CSMD3: variants seen among roughly 807,000 people sequenced by gnomAD.
CSMD3 encodes CUB and Sushi multiple domains 3.
In CSMD3, 177 loss-of-function variants were observed where a neutral mutation model predicts 435.2. The observed-to-expected ratio is 0.41, with a 90% CI of 0.36 to 0.46. The LOEUF (loss-of-function observed/expected upper bound fraction) is 0.46. Ranked by LOEUF, CSMD3 falls within the 20% of genes least tolerant of loss-of-function variation. The pLI is 0.34. For missense variants in CSMD3, 4,265 were observed against 4,504.6 expected (o/e 0.95, Z 1.52); for synonymous variants, 1,656 against 1,520.5 (o/e 1.09, Z -2.07).
intron 3 of CSMD3, among the ~76,000 whole-genome samples, chr8:113,224,073 T>G (rs2092999782): frequency 6.6e-6 from 1 of 151,146 alleles, no homozygotes. Context: ...ACCAGATAGA[T>G]GTCCTACAAT....
Position 112,960,087 on chromosome 8 carries a change from T to G in CSMD3, c.1343-5326A>C, listed in dbSNP as rs182764223. Among the ~76,000 whole-genome samples the G allele has an allele frequency of 2.0e-5, 3 of 151,826 alleles. No homozygotes were observed. In the East Asian group the frequency reaches 5.8e-4, roughly 29 times the overall value. ...CCAGAGATTTAAATGTGTAGGGGAG[T>G]TATAAAATTATTTAACTGTATAAAG... On this transcript the variant is annotated intron_variant, in intron 7 of 70. Transcript: ENST00000297405.
At chr8:112,977,693 C>A (rs1467696385) in intron 6 of CSMD3, among the ~76,000 whole-genome samples, 1 of 151,848 alleles carries the variant, frequency 6.6e-6, no homozygotes. Context: ...TTTGAAAGAG[C>A]CAAAAGTAAA....
chr8:113,400,592 A>C (rs1156867928), intron 1 of CSMD3, among the ~76,000 whole-genome samples: 1 of 151,930 alleles, frequency 6.6e-6, no homozygotes, highest in African/African-American at 2.4e-5. Context: ...GGGGGAAAAA[A>C]TAATTAACAT....
intron 4 of CSMD3, among the ~76,000 whole-genome samples, chr8:113,120,099 C>A (rs1186364997): frequency 6.6e-6 from 1 of 151,776 alleles, no homozygotes; most frequent in East Asian, 1.9e-4. Flanking sequence ...TATGTTCAAA[C>A]ACATATATAC....
intron 4 of CSMD3, among the ~76,000 whole-genome samples, chr8:113,138,016 T>C (rs1230418128): frequency 2.0e-5 from 3 of 151,636 alleles, no homozygotes; most frequent in Admixed American, 1.3e-4. Context: ...TCTGAAGATA[T>C]ATTGCAATGT....
At chr8:112,425,160 G>T (rs1428963082) in intron 32 of CSMD3, among the ~76,000 whole-genome samples, 1 of 152,082 alleles carries the variant, frequency 6.6e-6, no homozygotes, top group African/African-American at 2.4e-5. Context: ...ATGTAAATAG[G>T]ATCATTATCA....
In CSMD3 at chr8:112,348,501, C is replaced by T. The variant is rs1825865571; in HGVS notation, c.6326-2288G>A. Among the ~76,000 whole-genome samples the T allele has an allele frequency of 1.3e-5, 2 of 152,104 alleles. 1 individual carries two copies. Among genetic ancestry groups the T allele is most frequent in the South Asian group, 4.1e-4 (2 of 4,822 alleles). ...GCCTCTTGCTTCTAGTTTCTCCTTA[C>T]AATATTGCTATTGTATCACTGCCAA... On this transcript the variant is annotated intron_variant, in intron 40 of 70. Coordinates refer to ENST00000297405, the MANE Select transcript of CSMD3 (RefSeq NM_198123.2).
At chr8:113,120,110 A>C (rs1464879352) in intron 4 of CSMD3, among the ~76,000 whole-genome samples, 1 of 152,040 alleles carries the variant, frequency 6.6e-6, no homozygotes, top group Admixed American at 6.6e-5. Context: ...ACATATATAC[A>C]CATACTCCAA....
chr8:112,518,344 T>C (rs972802989), intron 27 of CSMD3, among the ~76,000 whole-genome samples: 13 of 149,498 alleles, frequency 8.7e-5, no homozygotes, highest in African/African-American at 2.5e-4. Context: ...CTAGAAAAAA[T>C]TAAAAAAAAA....
At chr8:113,127,369 C>A (rs1341317097) in intron 4 of CSMD3, among the ~76,000 whole-genome samples, 3 of 152,134 alleles carry the variant, frequency 2.0e-5, no homozygotes, top group Non-Finnish European at 4.4e-5. Flanking sequence ...ATTATGCATT[C>A]CTTCATTTAA....
chr8:112,759,679 A>G (rs556962184), intron 13 of CSMD3, among the ~76,000 whole-genome samples: 90 of 152,282 alleles, frequency 5.9e-4, no homozygotes, highest in African/African-American at 2.1e-3. Context: ...ACCATATGCT[A>G]TTCAATTTGG....
chr8:112,966,035 GA>G, intron 7 of CSMD3, among the ~76,000 whole-genome samples: 1 of 151,398 alleles, frequency 6.6e-6, no homozygotes, highest in East Asian at 1.9e-4. Flanking sequence ...GAGAACAATG[GA>G]AAAAGTAAAC....
At chr8:112,651,371 G>A (rs1280509822) in intron 18 of CSMD3, among the ~76,000 whole-genome samples, 1 of 152,066 alleles carries the variant, frequency 6.6e-6, no homozygotes, top group Non-Finnish European at 1.5e-5. Context: ...TTTAAAGACG[G>A]AAATTGTACA....
chr8:112,896,568 G>T (rs1173802318), intron 10 of CSMD3, among the ~76,000 whole-genome samples: 5 of 52,476 alleles, frequency 9.5e-5, no homozygotes, highest in Non-Finnish European at 1.5e-4. Flanking sequence ...AAATCTTATA[G>T]ATTCTTTTCC....
chr8:112,636,730 C>A, intron 22 of CSMD3, 87 bp downstream of exon 22: 1 of 1,130,574 alleles, frequency 8.8e-7, no homozygotes. Context: ...AGAAATTCAA[C>A]AGATTATAAA....
chr8:112,572,496 C>A (rs1014057839), intron 24 of CSMD3, among the ~76,000 whole-genome samples: 2 of 151,942 alleles, frequency 1.3e-5, no homozygotes, highest in Admixed American at 6.6e-5. Context: ...GATTCAAATT[C>A]CCTTTAAGAT....
intron 22 of CSMD3, among the ~76,000 whole-genome samples, chr8:112,621,635 C>T (rs2131517355): frequency 6.6e-6 from 1 of 152,252 alleles, no homozygotes; most frequent in African/African-American, 2.4e-5. Flanking sequence ...TCCTTGAAAT[C>T]ATTCCTATTT....
At chr8:112,700,340 A>C (rs1013777463) in intron 13 of CSMD3, among the ~76,000 whole-genome samples, 1 of 151,780 alleles carries the variant, frequency 6.6e-6, no homozygotes, top group Non-Finnish European at 1.5e-5. Context: ...GTCTCTTCTA[A>C]AAATACAAAA....
chr8:113,145,929 T>C (rs1445814267), intron 4 of CSMD3, among the ~76,000 whole-genome samples: 1 of 151,586 alleles, frequency 6.6e-6, no homozygotes, highest in Non-Finnish European at 1.5e-5. Context: ...GTATTTCCAC[T>C]GAAATAATTT....
Sources: gnomAD v4.1 joint callset for allele counts (sites outside exome capture counted in the v4.1 genomes callset) on GRCh38, gnomAD v4.1.1 for gene constraint, MANE v1.5 for transcripts, NCBI Gene and HGNC (gene_info 2026-07-23, HGNC 2026-07-21) for gene names.